The following PCNT variants were observed in gnomAD, a reference collection of about 807,000 sequenced individuals.
PCNT encodes kendrin.
Under a neutral mutation model 380.4 loss-of-function variants are expected in PCNT, and 319 were observed. The observed-to-expected ratio is 0.84, with a 90% CI of 0.77 to 0.92. The LOEUF (loss-of-function observed/expected upper bound fraction) is 0.92. PCNT is among the 40% of genes least tolerant of loss of function. PCNT has a pLI of 0.00. For synonymous variants in PCNT, 1,845 were observed against 1,735.2 expected (o/e 1.06, Z -1.57); for missense variants, 4,400 against 4,255.3 (o/e 1.03, Z -0.95).
intron 14 of PCNT, among the ~76,000 whole-genome samples, chr21:46,364,202 G>A (rs935902647): frequency 1.3e-5 from 2 of 152,056 alleles, no homozygotes; most frequent in Non-Finnish European, 2.9e-5. Flanking sequence ...GCTAGCAGTC[G>A]CCGTCCCGGA....
rs151020551 is a variant in PCNT, at chr21:46,363,699, C to T, written c.2374C>T (p.Arg792Ter). The change falls in exon 14 of 47, where the codon CGA (arginine) becomes TGA (stop). Residue 792 changes from arginine to a stop codon, truncating the protein, a stop_gained. Transcript: ENST00000359568. LOFTEE classifies it high-confidence loss of function. ...KQTIINKFEL[R>*]EAEMRQLQDQ... is the part of the protein sequence containing the mutation. ...GACCATCATAAACAAGTTTGAGCTT[C>T]GAGAAGCTGAAATGAGGCAGCTTCA... 6.2e-7 allele frequency: 1 copy of T among 1,614,188 alleles called. No homozygotes were observed. Among genetic ancestry groups the T allele is most frequent in the Non-Finnish European group, 8.5e-7 (1 of 1,180,034 alleles).
chr21:46,398,391 G>C (rs1320390536), intron 24 of PCNT, 136 bp downstream of exon 24: 1 of 871,228 alleles, frequency 1.1e-6, no homozygotes, highest in Non-Finnish European at 1.8e-6. Context: ...TCTTGTCTGA[G>C]GAAGCTGTAG....
rs1193437518 is a variant in PCNT, at chr21:46,388,311, G to A, written c.3465-431G>A. 6.6e-6 allele frequency among the ~76,000 whole-genome samples: 1 copy of A among 152,196 alleles called. No homozygotes were observed. The highest frequency in any genetic ancestry group is 1.5e-5 in the Non-Finnish European group (1 of 68,028). ...TTCCTGCCACACAACTCCTGTGAATGTGTGGCTGAGGCGTGACTTGGTGTT... is the reference window on the plus strand; with the variant it reads ...TTCCTGCCACACAACTCCTGTGAATATGTGGCTGAGGCGTGACTTGGTGTT... On this transcript the variant is annotated intron_variant, in intron 17 of 46. Coordinates refer to ENST00000359568, the MANE Select transcript of PCNT (RefSeq NM_006031.6). This position sits in a 1 kb window ranked among gnomAD's most constrained non-coding sequence, Gnocchi z 4.2.
At chr21:46,356,155 C>G (rs1277204467) in intron 12 of PCNT, among the ~76,000 whole-genome samples, 1 of 152,214 alleles carries the variant, frequency 6.6e-6, no homozygotes, top group African/African-American at 2.4e-5. Flanking sequence ...TGACGGGTTC[C>G]AGGAGGGGCA....
Position 46,388,926 on chromosome 21 carries a change from C to T in PCNT, c.3607+42C>T, listed in dbSNP as rs1326634567. 2 of 1,556,976 alleles carry T rather than the reference C, an allele frequency of 1.3e-6. No homozygotes were observed. The highest frequency in any genetic ancestry group is 1.7e-6 in the Non-Finnish European group (2 of 1,157,308). On this transcript the variant is annotated intron_variant, in intron 18 of 46. Coordinates refer to ENST00000359568, the MANE Select transcript of PCNT (RefSeq NM_006031.6). The surrounding 1 kb of genome is among the most constrained non-coding windows in gnomAD (Gnocchi z 4.2). ...CAGCTGCCCAGCCCTGTGCTTGCAG[C>T]CCCTCTGTGGTCCTGGAGCTCTCTG...
intron 3 of PCNT, among the ~76,000 whole-genome samples, chr21:46,338,068 A>G (rs566049098): frequency 6.6e-6 from 1 of 152,024 alleles, no homozygotes; most frequent in Non-Finnish European, 1.5e-5. Context: ...TTGTAGAGAC[A>G]GGGTCTCACT....
At chr21:46,356,709 C>T (rs779311424) in intron 12 of PCNT, among the ~76,000 whole-genome samples, 8 of 152,202 alleles carry the variant, frequency 5.3e-5, no homozygotes, top group Admixed American at 5.2e-4. Flanking sequence ...GTAGCCTGGG[C>T]GGGTCGTGTG....
At chr21:46,357,740 G>C (rs1454984854) in intron 13 of PCNT, among the ~76,000 whole-genome samples, 1 of 152,168 alleles carries the variant, frequency 6.6e-6, no homozygotes, top group African/African-American at 2.4e-5. Flanking sequence ...TCTGAGTCAA[G>C]ATTTCTTAGG....
At chr21:46,441,207 A>G (rs1464590407) in intron 43 of PCNT, 123 bp downstream of exon 43, 6 of 721,156 alleles carry the variant, frequency 8.3e-6, no homozygotes, top group South Asian at 4.5e-5. Context: ...TTAAAGATGA[A>G]TGGCATTTGA....
At chr21:46,389,683 C>A (rs2085965888) in intron 19 of PCNT, among the ~76,000 whole-genome samples, 1 of 152,204 alleles carries the variant, frequency 6.6e-6, no homozygotes, top group South Asian at 2.1e-4. Flanking sequence ...GGAGTGTTTT[C>A]ATATTTAGAG....
intron 17 of PCNT, among the ~76,000 whole-genome samples, chr21:46,387,380 G>A (rs1056698878): frequency 6.6e-5 from 10 of 152,102 alleles, no homozygotes; most frequent in African/African-American, 2.2e-4. Flanking sequence ...GCTCTAAACC[G>A]AGGGGCACAG....
intron 38 of PCNT, among the ~76,000 whole-genome samples, chr21:46,435,179 G>A (rs2087915138): frequency 1.3e-5 from 2 of 152,122 alleles, no homozygotes; most frequent in South Asian, 2.1e-4. Flanking sequence ...CCTGTAACGC[G>A]GCTGTGTGTT....
intron 34 of PCNT, among the ~76,000 whole-genome samples, 162 bp from the exon 35 acceptor site, chr21:46,428,233 C>G (rs559171911): frequency 6.6e-6 from 1 of 152,182 alleles, no homozygotes; most frequent in African/African-American, 2.4e-5. Flanking sequence ...CCAGCCCTGA[C>G]GCCTGCAGGC....
At chr21:46,367,597 G>A (rs1195162590) in intron 15 of PCNT, among the ~76,000 whole-genome samples, 5 of 152,138 alleles carry the variant, frequency 3.3e-5, no homozygotes, top group East Asian at 1.9e-4. Context: ...ATGAGCCACC[G>A]CACCCGGCCT....
intron 3 of PCNT, among the ~76,000 whole-genome samples, chr21:46,344,776 G>T (rs112002422): frequency 6.6e-6 from 1 of 152,284 alleles, no homozygotes; most frequent in African/African-American, 2.4e-5. Context: ...CCGTGCCGAC[G>T]GGCCCCCTGC....
At position 46,366,580 on chromosome 21, in the gene PCNT, G is replaced by A. The variant is rs1011925459; in HGVS notation, c.2610-4G>A. 6.2e-7 allele frequency: 1 copy of A among 1,613,218 alleles called. No homozygotes were observed. The highest frequency in any genetic ancestry group is 8.5e-7 in the Non-Finnish European group (1 of 1,179,240). ...ACTGTCCTGTGTTCACTTTGTTGCCGCAGGTTTTTAGAGGAACGTAAAGAG... is the reference window on the plus strand; with the variant it reads ...ACTGTCCTGTGTTCACTTTGTTGCCACAGGTTTTTAGAGGAACGTAAAGAG... On this transcript the variant is annotated splice_region_variant and splice_polypyrimidine_tract_variant and intron_variant, in intron 14 of 46. Transcript: ENST00000359568.
At chr21:46,330,408 C>A (rs2083519918) in intron 2 of PCNT, among the ~76,000 whole-genome samples, 1 of 152,044 alleles carries the variant, frequency 6.6e-6, no homozygotes. Context: ...TGTGAGCCAT[C>A]CCACCTGGCT....
intron 33 of PCNT, among the ~76,000 whole-genome samples, chr21:46,427,405 G>A (rs1373827146): frequency 2.0e-5 from 3 of 152,164 alleles, no homozygotes; most frequent in African/African-American, 7.2e-5. Flanking sequence ...TGGTGTAGGC[G>A]CCCTTCCTGG....
At chr21:46,440,253 G>T in intron 42 of PCNT, 51 bp downstream of exon 42, 1 of 1,606,542 alleles carries the variant, frequency 6.2e-7, no homozygotes. Flanking sequence ...TAAGTCCTGG[G>T]TTTGCAAATT....
Sources: gnomAD v4.1 joint callset for allele counts (sites outside exome capture counted in the v4.1 genomes callset) on GRCh38, gnomAD v4.1.1 for gene constraint, Gnocchi (gnomAD v3.1) non-coding constraint, MANE v1.5 for transcripts, NCBI Gene and HGNC (gene_info 2026-07-23, HGNC 2026-07-21) for gene names.